Variants in GDAP1 observed in about 807,000 individuals in gnomAD.
GDAP1 encodes the protein ganglioside-induced differentiation-associated protein 1.
GDAP1 carries 34 observed loss-of-function variants against 40.1 expected under a neutral mutation model. The ratio of observed to expected loss-of-function variants is 0.85; its 90% CI spans 0.64 to 1.13. The LOEUF is 1.13. GDAP1 is among the 50% of genes most tolerant of loss of function. The pLI is 0.00. For missense variants in GDAP1, 374 were observed against 433.7 expected (o/e 0.86, Z 1.22); for synonymous variants, 170 against 157.4 (o/e 1.08, Z -0.60).
intron 2 of GDAP1, among the ~76,000 whole-genome samples, chr8:74,384,119 A>G (rs1328464069): frequency 6.6e-6 from 1 of 152,188 alleles, no homozygotes; most frequent in Non-Finnish European, 1.5e-5. Flanking sequence ...TTTTTAAAAC[A>G]TTCTGATGTT....
At chr8:74,416,252 G>A (rs1025713629) in intron 2 of GDAP1, among the ~76,000 whole-genome samples, 1 of 149,938 alleles carries the variant, frequency 6.7e-6, no homozygotes, top group African/African-American at 2.5e-5. Context: ...ACCTGCCCTG[G>A]TAGCTTAACA....
rs888240020 is a variant in GDAP1 at position 74,402,462 on chromosome 8, C to G, written c.165+51141C>G. On this transcript the variant is annotated intron_variant, in intron 2 of 2. Coordinates refer to the GDAP1 transcript ENST00000523640. ...ATTTTCCAGGTGCCGTCTGTCACCC[C>G]TTTCTTTGACTAGGAAAGGGAACTC... Among the ~76,000 whole-genome samples the G allele has an allele frequency of 5.3e-5, 8 of 150,422 alleles. 2 individuals carry two copies. The highest frequency in any genetic ancestry group is 2.0e-4 in the African/African-American group (8 of 39,702).
intron 2 of GDAP1, among the ~76,000 whole-genome samples, chr8:74,378,250 T>C (rs2131535415): frequency 6.6e-6 from 1 of 152,344 alleles, no homozygotes; most frequent in Non-Finnish European, 1.5e-5. Context: ...GACACTCTCC[T>C]AGGAGCACAT....
At chr8:74,368,073 T>C (rs1563448481), downstream of GDAP1, among the ~76,000 whole-genome samples, 1 of 152,250 alleles carries the variant, frequency 6.6e-6, no homozygotes, top group Non-Finnish European at 1.5e-5. Context: ...TTGTCTTCAG[T>C]CTTTTACTTT....
At chr8:74,361,311 C>T (rs544130088) in intron 3 of GDAP1, among the ~76,000 whole-genome samples, 1 of 152,186 alleles carries the variant, frequency 6.6e-6, no homozygotes, top group African/African-American at 2.4e-5. Context: ...CAAGCCTGCA[C>T]TGAGCACTGT....
intron 2 of GDAP1, among the ~76,000 whole-genome samples, chr8:74,394,938 T>G (rs1810170855): frequency 6.6e-6 from 1 of 152,202 alleles, no homozygotes; most frequent in African/African-American, 2.4e-5. Context: ...AATTGCAAAT[T>G]AAATGCATGC....
chr8:74,401,591 G>C (rs1810341595), intron 2 of GDAP1, among the ~76,000 whole-genome samples: 1 of 146,256 alleles, frequency 6.8e-6, no homozygotes. Context: ...TTCCATTGCT[G>C]GTGAGGAAAT....
intron 2 of GDAP1, among the ~76,000 whole-genome samples, chr8:74,410,065 A>G (rs931450864): frequency 2.7e-5 from 4 of 150,028 alleles, no homozygotes; most frequent in Non-Finnish European, 4.4e-5. Context: ...GTATAAGTGC[A>G]TGCTTATCAC....
intron 2 of GDAP1, among the ~76,000 whole-genome samples, chr8:74,479,802 C>T (rs1046878215): frequency 1.3e-5 from 2 of 152,084 alleles, no homozygotes; most frequent in Admixed American, 1.3e-4. Flanking sequence ...AGCAGGCTAG[C>T]CTGGGGTTTT....
chr8:74,371,382 CG>C (rs1563449540), downstream of GDAP1, among the ~76,000 whole-genome samples: 2 of 152,134 alleles, frequency 1.3e-5, no homozygotes, highest in Non-Finnish European at 2.9e-5. Context: ...AAAATATGGC[CG>C]GGCGCGGTGG....
chr8:74,485,694 G>A (rs1806767708), intron 2 of GDAP1, among the ~76,000 whole-genome samples: 1 of 151,956 alleles, frequency 6.6e-6, no homozygotes, highest in South Asian at 2.1e-4. Context: ...TCCAAGTGAG[G>A]GAGAAAGATG....
At chr8:74,418,804 A>G (rs1805819564) in intron 2 of GDAP1, among the ~76,000 whole-genome samples, 1 of 152,216 alleles carries the variant, frequency 6.6e-6, no homozygotes, top group South Asian at 2.1e-4. Flanking sequence ...TCATGTATTT[A>G]AAACATATAA....
rs558281230 is a variant in GDAP1, at chr8:74,379,485, C to T, written c.165+28164C>T. ...ATTGTATTATTAAAATAAATTTTAC[C>T]AAGTAGGACCCCTACTTGTAGCTGC... On this transcript the variant is annotated intron_variant, in intron 2 of 2. Transcript: ENST00000523640. Among the ~76,000 whole-genome samples the T allele has an allele frequency of 2.6e-5, 4 of 152,140 alleles. No individual in the cohort carries two copies. In the South Asian group the frequency reaches 8.3e-4, roughly 32 times the overall value.
At chr8:74,362,784 C>CTCTCTT (rs1300148699) in intron 4 of GDAP1, among the ~76,000 whole-genome samples, 155 bp from the exon 5 acceptor site, 2 of 60,446 alleles carry the variant, frequency 3.3e-5, no homozygotes, top group African/African-American at 1.3e-4. Context: ...CTCTCTCTCT[C>CTCTCTT]TTTTTTTTTT....
intron 2 of GDAP1, among the ~76,000 whole-genome samples, chr8:74,457,300 A>C (rs918665930): frequency 6.6e-6 from 1 of 152,052 alleles, no homozygotes; most frequent in African/African-American, 2.4e-5. Context: ...CAAATATCCC[A>C]TTTCTAATCT....
intron 2 of GDAP1, among the ~76,000 whole-genome samples, chr8:74,405,147 G>A (rs770710667): frequency 2.7e-5 from 4 of 149,974 alleles, no homozygotes; most frequent in Non-Finnish European, 5.9e-5. Context: ...AGAGCAAAAG[G>A]ACGTCATACA....
At chr8:74,402,291 T>G (rs1375833451) in intron 2 of GDAP1, among the ~76,000 whole-genome samples, 4 of 150,374 alleles carry the variant, frequency 2.7e-5, no homozygotes, top group Admixed American at 2.0e-4. Context: ...GCTGCCACCT[T>G]GCAGTTTGAT....
At chr8:74,379,969 A>G (rs1809921151) in intron 2 of GDAP1, among the ~76,000 whole-genome samples, 1 of 152,214 alleles carries the variant, frequency 6.6e-6, no homozygotes, top group African/African-American at 2.4e-5. Flanking sequence ...GAGGCACAGC[A>G]CTTGGCTGGC....
intron 2 of GDAP1, among the ~76,000 whole-genome samples, chr8:74,480,143 C>T (rs1806692271): frequency 6.6e-6 from 1 of 152,020 alleles, no homozygotes; most frequent in Non-Finnish European, 1.5e-5. Flanking sequence ...CGCATGCCAC[C>T]ACACCCAGCT....
Sources: allele counts gnomAD v4.1 joint callset (sites outside exome capture counted in the v4.1 genomes callset), GRCh38; gene constraint gnomAD v4.1.1; transcripts MANE v1.5; gene names NCBI Gene and HGNC (gene_info 2026-07-23, HGNC 2026-07-21).